The following MAF variants were observed in gnomAD, a reference collection of about 807,000 sequenced individuals.
The protein encoded by MAF is transcription factor Maf.
Under a neutral mutation model 22.0 loss-of-function variants are expected in MAF, and 10 were observed. That is an observed-to-expected ratio of 0.45 (90% CI 0.28 to 0.77). The LOEUF is 0.77. Ranked by LOEUF, MAF falls within the 30% of genes least tolerant of loss-of-function variation. The pLI is 0.12. For missense variants in MAF, 544 were observed against 548.4 expected (o/e 0.99, Z 0.08); for synonymous variants, 337 against 255.8 (o/e 1.32, Z -3.03).
the MAF span, among the ~76,000 whole-genome samples, chr16:79,577,359 G>A: frequency 6.6e-6 from 1 of 152,194 alleles, no homozygotes; most frequent in Non-Finnish European, 1.5e-5. Context: ...TCAACTGGTC[G>A]AGATAGTGTC....
At chr16:79,237,477 G>C in the MAF span, among the ~76,000 whole-genome samples, 10 of 152,058 alleles carry the variant, frequency 6.6e-5, no homozygotes, top group African/African-American at 2.4e-4. Flanking sequence ...GAAATGGTTG[G>C]TTGGAGGATT....
the MAF span, among the ~76,000 whole-genome samples, chr16:79,319,313 G>T: frequency 4.6e-5 from 7 of 152,192 alleles, no homozygotes; most frequent in African/African-American, 1.7e-4. Flanking sequence ...TAATTAATTT[G>T]ATCTTTATCT....
the MAF span, among the ~76,000 whole-genome samples, chr16:79,358,498 C>G: frequency 6.6e-6 from 1 of 152,134 alleles, no homozygotes; most frequent in Non-Finnish European, 1.5e-5. Context: ...CCAGAGATCC[C>G]AGCCAGGCCT....
the MAF span, among the ~76,000 whole-genome samples, chr16:79,515,032 C>T: frequency 6.6e-6 from 1 of 152,192 alleles, no homozygotes; most frequent in South Asian, 2.1e-4. Flanking sequence ...ACAAAGACTT[C>T]ATCTCTTCAA....
the MAF span, among the ~76,000 whole-genome samples, chr16:79,469,414 C>A: frequency 1.3e-5 from 2 of 152,106 alleles, no homozygotes; most frequent in Admixed American, 6.5e-5. Context: ...CGCCTATTAC[C>A]TGGGTGGCTT....
At chr16:79,373,432 G>C in the MAF span, among the ~76,000 whole-genome samples, 1 of 122,464 alleles carries the variant, frequency 8.2e-6, no homozygotes, top group African/African-American at 3.0e-5. Flanking sequence ...TCCCAGGCTG[G>C]AGTGCAATGG....
the MAF span, among the ~76,000 whole-genome samples, chr16:79,370,680 T>C: frequency 1.3e-5 from 2 of 152,152 alleles, no homozygotes; most frequent in South Asian, 4.1e-4. Context: ...TGAGTTCTGA[T>C]TGTTGGTTTT....
the MAF span, among the ~76,000 whole-genome samples, chr16:79,270,120 C>A: frequency 6.6e-6 from 1 of 151,888 alleles, no homozygotes; most frequent in Non-Finnish European, 1.5e-5. Flanking sequence ...AGGTGAAGGG[C>A]CTAGAAGATC....
At chr16:79,571,854 G>A in the MAF span, among the ~76,000 whole-genome samples, 1 of 152,218 alleles carries the variant, frequency 6.6e-6, no homozygotes, top group East Asian at 1.9e-4. Context: ...TTCTTTGCAG[G>A]AAGTTTTGTC....
At chr16:79,292,118 G>A in the MAF span, among the ~76,000 whole-genome samples, 1 of 152,066 alleles carries the variant, frequency 6.6e-6, no homozygotes, top group Non-Finnish European at 1.5e-5. Flanking sequence ...GAAGCTGTAG[G>A]GAATATTGTG....
the MAF span, among the ~76,000 whole-genome samples, chr16:79,383,443 A>G: frequency 2.0e-5 from 3 of 152,208 alleles, no homozygotes; most frequent in Admixed American, 2.0e-4. Context: ...CAGAATCTAT[A>G]TGATGGTAAA....
chr16:79,223,834 C>A, the MAF span, among the ~76,000 whole-genome samples: 3 of 152,112 alleles, frequency 2.0e-5, no homozygotes, highest in South Asian at 2.1e-4. Context: ...CCTGAATAGA[C>A]CAATAACAAG....
the MAF span, among the ~76,000 whole-genome samples, chr16:79,483,446 G>T: frequency 1.3e-5 from 2 of 150,934 alleles, no homozygotes; most frequent in Non-Finnish European, 2.9e-5. Flanking sequence ...AAGACCCAAA[G>T]CCATTGTCCA....
the MAF span, among the ~76,000 whole-genome samples, chr16:79,485,815 G>A: frequency 6.6e-6 from 1 of 152,112 alleles, no homozygotes; most frequent in Non-Finnish European, 1.5e-5. Context: ...ACAGAAGTAA[G>A]CTACAAATGG....
chr16:79,444,552 G>A, the MAF span, among the ~76,000 whole-genome samples: 1 of 152,156 alleles, frequency 6.6e-6, no homozygotes, highest in African/African-American at 2.4e-5. Flanking sequence ...TACTGAGAAT[G>A]AAATAAGACA....
chr16:79,519,572 T>A, the MAF span, among the ~76,000 whole-genome samples: 1 of 152,170 alleles, frequency 6.6e-6, no homozygotes, highest in African/African-American at 2.4e-5. Context: ...CAAAACCCAG[T>A]TCCTTATCGC....
At chr16:79,364,783 T>C in the MAF span, among the ~76,000 whole-genome samples, 1 of 152,224 alleles carries the variant, frequency 6.6e-6, no homozygotes, top group Non-Finnish European at 1.5e-5. Context: ...CTTCCCGTGT[T>C]AGACCCTTAA....
At chr16:79,278,625 G>T in the MAF span, among the ~76,000 whole-genome samples, 2 of 152,104 alleles carry the variant, frequency 1.3e-5, no homozygotes, top group Non-Finnish European at 2.9e-5. Flanking sequence ...GAAAGCGCAA[G>T]AGCTGTTTCT....
chr16:79,583,531 C>T (rs576826042), downstream of MAF, among the ~76,000 whole-genome samples: 199 of 152,264 alleles, frequency 1.3e-3, no homozygotes, highest in Non-Finnish European at 2.1e-3. Context: ...TGGTTGCATC[C>T]GGATGGGTCT....
Sources: allele counts gnomAD v4.1 joint callset (sites outside exome capture counted in the v4.1 genomes callset), GRCh38; gene constraint gnomAD v4.1.1; transcripts MANE v1.5; gene names NCBI Gene and HGNC (gene_info 2026-07-23, HGNC 2026-07-21).